The following SLC39A11 variants were observed in gnomAD, a reference collection of about 807,000 sequenced individuals.
SLC39A11 encodes the protein solute carrier family 39 member 11, also known as zinc transporter ZIP11.
SLC39A11 carries 33 observed loss-of-function variants against 36.1 expected under a neutral mutation model. That is an observed-to-expected ratio of 0.91 (90% CI 0.69 to 1.22). The LOEUF is 1.22. Among genes scored for constraint, SLC39A11 ranks in the 50% most tolerant of loss-of-function variants. SLC39A11 has a pLI of 0.00. For synonymous variants in SLC39A11, 166 were observed against 170.3 expected, an observed-to-expected ratio of 0.97 and a Z score of 0.20; for missense variants, 432 against 430.3, an observed-to-expected ratio of 1.00 and a Z score of -0.03.
chr17:73,048,918 G>A lies in SLC39A11; in HGVS notation c.148-17204C>T, dbSNP rs147604876. Among the ~76,000 whole-genome samples the A allele has an allele frequency of 3.5e-3, 528 of 152,276 alleles. 3 individuals are homozygous for A. The highest frequency in any genetic ancestry group is 5.8e-3 in the Non-Finnish European group (396 of 68,022). The stretch of plus-strand genomic sequence containing the variant: ...CCCATCCTGAACATGGTAGATACAG[G>A]TGTCTGTGAATAGATAATAACGCAG... On this transcript the variant is annotated intron_variant, in intron 3 of 9. Coordinates refer to ENST00000255559, the MANE Select transcript of SLC39A11 (RefSeq NM_139177.4).
rs1555614347 is a variant in SLC39A11 at position 72,882,798 on chromosome 17, T to TTTTTTTTTTTTTCTTTTTC, written c.431-32995_431-32994insGAAAAAGAAAAAAAAAAAA. Reference sequence around the variant, plus strand: ...CTGCTTGAGGGAGAGAGAATGCTTCTTTTTTTTTTTTTTTTTGAGATGGAG... The same window carrying TTTTTTTTTTTTTCTTTTTC: ...CTGCTTGAGGGAGAGAGAATGCTTCTTTTTTTTTTTTTCTTTTTCTTTTTTTTTTTTTTTTGAGATGGAG... On this transcript the variant is annotated intron_variant, in intron 5 of 9. Transcript: ENST00000255559. Among the ~76,000 whole-genome samples, 1,150 of 125,630 alleles carry TTTTTTTTTTTTTCTTTTTC rather than the reference T, an allele frequency of 9.2e-3. 30 individuals carry two copies. Among genetic ancestry groups the TTTTTTTTTTTTTCTTTTTC allele is most frequent in the African/African-American group, 0.033 (977 of 29,716 alleles). The allele number at this position is 125,630 out of a possible 152,430, so 82.4% of individuals were successfully genotyped here.
rs2073692648 is a variant in SLC39A11 at position 72,721,846 on chromosome 17, C to T, written c.671+14804G>A. Among the ~76,000 whole-genome samples, 3 of 151,596 alleles carry T rather than the reference C, an allele frequency of 2.0e-5. No individual in the cohort carries two copies. In the South Asian group the frequency reaches 6.3e-4, roughly 32 times the overall value. On this transcript the variant is annotated intron_variant, in intron 7 of 9. Transcript: ENST00000255559. ...TTAGCTGGATGTGGTGGTGCATGCC[C>T]ATAATCCCAGCTACTCAGGAGGCTG...
chr17:72,736,604 CCCTGG>C, intron 7 of SLC39A11, 41 bp downstream of exon 7: 1 of 1,543,730 alleles, frequency 6.5e-7, no homozygotes, highest in Non-Finnish European at 9.0e-7. Flanking sequence ...CCCAGAGCAC[CCCTGG>C]GTGCAGAACC....
intron 7 of SLC39A11, among the ~76,000 whole-genome samples, chr17:72,700,172 C>T (rs1357808693): frequency 6.6e-6 from 1 of 152,188 alleles, no homozygotes; most frequent in African/African-American, 2.4e-5. Flanking sequence ...AAGTTTGGGT[C>T]AGCATCTTTG....
chr17:72,703,965 TA>T (rs972459065), intron 7 of SLC39A11, among the ~76,000 whole-genome samples: 1 of 152,088 alleles, frequency 6.6e-6, no homozygotes, highest in African/African-American at 2.4e-5. Flanking sequence ...CCATCTCTAC[TA>T]AAAATACAAA....
In SLC39A11 at chr17:72,819,899, C is replaced by T. The variant is rs1268471593; in HGVS notation, c.601+29735G>A. ...CCCTCTCTGTGTTAAGAAGCTCACA[C>T]CACCTGTGCTCCTCTGTGCTGTCCC... On this transcript the variant is annotated intron_variant, in intron 6 of 9. Transcript: ENST00000255559. Among the ~76,000 whole-genome samples, 2 of 151,246 alleles carry T rather than the reference C, an allele frequency of 1.3e-5. 1 individual carries two copies. The highest frequency in any genetic ancestry group is 3.0e-5 in the Non-Finnish European group (2 of 67,464).
chr17:73,025,358 A>G (rs982487339), intron 4 of SLC39A11, among the ~76,000 whole-genome samples: 2 of 152,238 alleles, frequency 1.3e-5, no homozygotes, highest in Non-Finnish European at 2.9e-5. Context: ...AAGTCTGCCA[A>G]GATGCAAACC....
At chr17:72,855,074 T>G (rs1364479381) in intron 5 of SLC39A11, among the ~76,000 whole-genome samples, 1 of 152,204 alleles carries the variant, frequency 6.6e-6, no homozygotes, top group Non-Finnish European at 1.5e-5. Flanking sequence ...TGAAGTCCTC[T>G]AGTGAATGGC....
chr17:72,771,655 A>G (rs1177137751), intron 6 of SLC39A11, among the ~76,000 whole-genome samples: 3 of 152,204 alleles, frequency 2.0e-5, no homozygotes, highest in African/African-American at 7.2e-5. Flanking sequence ...TCAGATTCCT[A>G]ATAAAAAAAA....
intron 4 of SLC39A11, among the ~76,000 whole-genome samples, chr17:73,025,857 G>A (rs1479220208): frequency 6.6e-6 from 1 of 152,202 alleles, no homozygotes; most frequent in Non-Finnish European, 1.5e-5. Context: ...GCTCACGCCT[G>A]TAATTCCAGC....
Position 72,963,123 on chromosome 17 carries a change from G to A in SLC39A11, c.307-15248C>T, listed in dbSNP as rs2086719935. ...GACTTAATTCCCATCACAGGGAGGG[G>A]CTTCTAGGGCACACACACCATGGGG... On this transcript the variant is annotated intron_variant, in intron 4 of 9. Coordinates refer to ENST00000255559, the MANE Select transcript of SLC39A11 (RefSeq NM_139177.4). Among the ~76,000 whole-genome samples, 3 of 151,476 alleles carry A rather than the reference G, an allele frequency of 2.0e-5. No individual in the cohort carries two copies. The South Asian group carries it at 6.3e-4, about 32-fold the overall frequency.
intron 7 of SLC39A11, among the ~76,000 whole-genome samples, chr17:72,656,667 T>A (rs1250390864): frequency 2.6e-5 from 4 of 152,100 alleles, no homozygotes; most frequent in Admixed American, 1.3e-4. Context: ...GGCTGCCTCA[T>A]GGAGGCAGAG....
At position 72,647,631 on chromosome 17, in the gene SLC39A11, T is replaced by G; in HGVS notation, c.961A>C (p.Ile321Leu). ...GACATCATCACTACAAATCCCAGGA[T>G]GGAGGCCCAGGATGCCAGTTTCCCA... is the stretch of plus-strand genomic sequence containing the variant. ...GNGKLASWAS[I>L]LGFVVMMSLD... The change falls in exon 10 of 10, where the codon ATC (isoleucine) becomes CTC (leucine). Residue 321 changes from isoleucine (I) to leucine (L), a missense_variant. Physicochemically the swap from Ile to Leu is conservative, Grantham distance 5. Transcript: ENST00000255559. 1 of 1,613,970 alleles carries G rather than the reference T, an allele frequency of 6.2e-7. No individual in the cohort carries two copies. The highest frequency in any genetic ancestry group is 8.5e-7 in the Non-Finnish European group (1 of 1,179,952).
chr17:73,081,668 CACATAT>C (rs535177407), intron 3 of SLC39A11, among the ~76,000 whole-genome samples: 985 of 64,996 alleles, frequency 0.015, 20 homozygotes, highest in South Asian at 0.1. Context: ...CACACACACA[CACATAT>C]ATATACACAT....
chr17:73,082,762 G>A (rs1252647533), intron 3 of SLC39A11, among the ~76,000 whole-genome samples: 1 of 152,080 alleles, frequency 6.6e-6, no homozygotes, highest in Non-Finnish European at 1.5e-5. Context: ...TGTAATCCCA[G>A]CACTTTGGAA....
chr17:72,913,119 A>G (rs1872652538), intron 5 of SLC39A11, among the ~76,000 whole-genome samples: 1 of 152,180 alleles, frequency 6.6e-6, no homozygotes, highest in Non-Finnish European at 1.5e-5. Context: ...CATATTATAT[A>G]CTGGTGTAGA....
At chr17:72,768,284 G>A (rs756533299) in intron 6 of SLC39A11, among the ~76,000 whole-genome samples, 7 of 152,198 alleles carry the variant, frequency 4.6e-5, no homozygotes, top group South Asian at 2.1e-4. Context: ...GTTGAGTTTC[G>A]GAGAAGGGCT....
At chr17:72,962,271 CCTTTTT>C (rs1368806273) in intron 4 of SLC39A11, among the ~76,000 whole-genome samples, 17 of 152,156 alleles carry the variant, frequency 1.1e-4, no homozygotes, top group African/African-American at 4.1e-4. Context: ...AAACAACACT[CCTTTTT>C]CACCACCGTT....
At chr17:72,851,140 C>T (rs1025581373) in intron 5 of SLC39A11, among the ~76,000 whole-genome samples, 8 of 152,136 alleles carry the variant, frequency 5.3e-5, no homozygotes, top group African/African-American at 1.7e-4. Context: ...GTGCCACAGA[C>T]ATTCATGGGC....
Sources: gnomAD v4.1 joint callset for allele counts (sites outside exome capture counted in the v4.1 genomes callset) on GRCh38, gnomAD v4.1.1 for gene constraint, MANE v1.5 for transcripts, NCBI Gene and HGNC (gene_info 2026-07-23, HGNC 2026-07-21) for gene names.